Variants in RAD18 observed in about 807,000 individuals in gnomAD.
The protein encoded by RAD18 is E3 ubiquitin-protein ligase RAD18.
Under a neutral mutation model 60.4 loss-of-function variants are expected in RAD18, and 47 were observed. That is an observed-to-expected ratio of 0.78 (90% CI 0.62 to 0.99). The LOEUF is 0.99. RAD18 is among the 50% of genes least tolerant of loss of function. The pLI is 0.00. For synonymous variants in RAD18, 225 were observed against 195.5 expected (o/e 1.15, Z -1.26); for missense variants, 640 against 593.3 (o/e 1.08, Z -0.82).
intron 11 of RAD18, among the ~76,000 whole-genome samples, chr3:8,898,381 C>CGT (rs59853617): frequency 0.055 from 8,193 of 148,386 alleles, 476 homozygotes; most frequent in African/African-American, 0.16. Context: ...TGTGTGCATG[C>CGT]GTGTGTGTGT....
intron 9 of RAD18, among the ~76,000 whole-genome samples, chr3:8,903,837 C>A (rs1214620838): frequency 6.6e-6 from 1 of 152,142 alleles, no homozygotes; most frequent in Non-Finnish European, 1.5e-5. Context: ...CAAAAATCAA[C>A]AATGTACTTG....
intron 7 of RAD18, among the ~76,000 whole-genome samples, chr3:8,916,464 T>C (rs1308206509): frequency 4.6e-5 from 7 of 152,172 alleles, no homozygotes; most frequent in Admixed American, 6.5e-5. Context: ...GTGAGTGATA[T>C]ATAGCTACAT....
At chr3:8,902,307 T>C (rs185529884) in intron 10 of RAD18, 73 bp downstream of exon 10, 1 of 1,311,812 alleles carries the variant, frequency 7.6e-7, no homozygotes. Context: ...TAAATTTCTT[T>C]GGTTTAATTT....
chr3:8,939,636 C>T lies in RAD18; in HGVS notation c.622G>A (p.Gly208Arg), dbSNP rs764925159. 3.9e-5 allele frequency: 63 copies of T among 1,611,810 alleles called. No homozygotes were observed. The South Asian group carries it at 4.8e-4, about 12-fold the overall frequency. ...QVTKVDCPVC[G>R]VNIPESHINK... ...ATGTGACTTTCTGGAATGTTAACCC[C>T]GCAAACAGGACAATCCACTGTATTT... The change falls in exon 6 of 13, where the codon GGG (glycine) becomes AGG (arginine). Residue 208 changes from glycine (G) to arginine (R), a missense_variant. By Grantham distance (125) the Gly-to-Arg change is moderately radical. Coordinates refer to ENST00000264926, the MANE Select transcript of RAD18 (RefSeq NM_020165.4).
intron 11 of RAD18, among the ~76,000 whole-genome samples, chr3:8,892,694 T>C (rs1939713212): frequency 6.6e-6 from 1 of 152,198 alleles, no homozygotes; most frequent in African/African-American, 2.4e-5. Flanking sequence ...TAAAACACTA[T>C]CTTCGCATAT....
chr3:8,952,889 C>T (rs1467112419), intron 2 of RAD18, among the ~76,000 whole-genome samples: 1 of 152,092 alleles, frequency 6.6e-6, no homozygotes, highest in Non-Finnish European at 1.5e-5. Flanking sequence ...TACAGATGCT[C>T]CTTGACTTAA....
chr3:8,908,584 A>C (rs1559768220), intron 9 of RAD18, among the ~76,000 whole-genome samples: 1 of 152,112 alleles, frequency 6.6e-6, no homozygotes, highest in Non-Finnish European at 1.5e-5. Flanking sequence ...CCCTGCTGAC[A>C]TCTTGATCTT....
At chr3:8,883,410 T>A (rs570410944) in intron 12 of RAD18, among the ~76,000 whole-genome samples, 1 of 152,318 alleles carries the variant, frequency 6.6e-6, no homozygotes, top group East Asian at 1.9e-4. Flanking sequence ...ATCCTATAAA[T>A]ATGTATTCTT....
Position 8,900,069 on chromosome 3 carries a change from A to AT in RAD18, c.1169-1023dup, listed in dbSNP as rs45530431. On this transcript the variant is annotated intron_variant, in intron 10 of 12. Coordinates refer to ENST00000264926, the MANE Select transcript of RAD18 (RefSeq NM_020165.4). Reference sequence around the variant, plus strand: ...AACCTTGCCAAGTTCATACAGTTAAATTTTTTTCAGAAATAGTTCTAAGTT... The same window carrying AT: ...AACCTTGCCAAGTTCATACAGTTAAATTTTTTTTCAGAAATAGTTCTAAGTT... 2.8e-3 allele frequency among the ~76,000 whole-genome samples: 425 copies of AT among 152,268 alleles called. 3 individuals carry two copies. Among genetic ancestry groups the AT allele is most frequent in the African/African-American group, 9.3e-3 (386 of 41,544 alleles).
At chr3:8,903,481 T>G (rs1365915132) in intron 9 of RAD18, among the ~76,000 whole-genome samples, 1 of 152,192 alleles carries the variant, frequency 6.6e-6, no homozygotes, top group African/African-American at 2.4e-5. Context: ...CCCTTTAAGA[T>G]TCTAAGATCT....
At chr3:8,896,874 AAGAG>A (rs1939795047) in intron 11 of RAD18, among the ~76,000 whole-genome samples, 2 of 152,216 alleles carry the variant, frequency 1.3e-5, no homozygotes, top group African/African-American at 4.8e-5. Flanking sequence ...ATAGAAGAAA[AAGAG>A]AGAGAAAGAA....
rs535542723 is a variant in RAD18, at chr3:8,902,511, T to A, written c.1037A>T (p.His346Leu). 1.2e-6 allele frequency: 2 copies of A among 1,601,208 alleles called. No homozygotes were observed. Among genetic ancestry groups the A allele is most frequent in the South Asian group, 1.1e-5 (1 of 88,406 alleles). Residue 346 changes from histidine (H) to leucine (L), a missense_variant, in exon 10 of 13, where the codon CAT becomes CTT. His to Leu is a moderately conservative substitution (Grantham distance 99, BLOSUM62 -3). Transcript: ENST00000264926. ...DEIHSKYRKKHKSEFQLLVDQ... is the reference protein window; with the variant it reads ...DEIHSKYRKKLKSEFQLLVDQ... ...CACCAGAAGCTGAAATTCACTCTTATGTTTTTTACCTGAAATTCAAAAGAT... is the reference window on the plus strand; with the variant it reads ...CACCAGAAGCTGAAATTCACTCTTAAGTTTTTTACCTGAAATTCAAAAGAT...
Position 8,954,901 on chromosome 3 carries a change from T to C in RAD18, c.133+4019A>G, listed in dbSNP as rs181191366. Reference sequence around the variant, plus strand: ...ACATGACGGGACTTGTGACAACTGGTGTTTAGTAGAAGAGGCCTACTGAAT... The same window carrying C: ...ACATGACGGGACTTGTGACAACTGGCGTTTAGTAGAAGAGGCCTACTGAAT... On this transcript the variant is annotated intron_variant, in intron 2 of 12. Transcript: ENST00000264926. 5.7e-4 allele frequency among the ~76,000 whole-genome samples: 86 copies of C among 152,150 alleles called. No homozygotes were observed. In the South Asian group the frequency reaches 6.6e-3, roughly 12 times the overall value.
intron 7 of RAD18, among the ~76,000 whole-genome samples, chr3:8,931,787 G>A (rs1264114705): frequency 6.6e-6 from 1 of 152,146 alleles, no homozygotes; most frequent in East Asian, 1.9e-4. Context: ...TGTCATGAGT[G>A]AAAGGACAGA....
At position 8,915,005 on chromosome 3, in the gene RAD18, C is replaced by T. The variant is rs533188734; in HGVS notation, c.890-1285G>A. ...TAAAAAAAAATTTTTTAAAATTAGC[C>T]GGGTGTGGTGGGGGGCGCCTATAGT... On this transcript the variant is annotated intron_variant, in intron 7 of 12. Transcript: ENST00000264926. Among the ~76,000 whole-genome samples the T allele has an allele frequency of 7.7e-4, 117 of 151,606 alleles. 1 individual carries two copies. Among genetic ancestry groups the T allele is most frequent in the Admixed American group, 1.6e-3 (24 of 15,262 alleles).
intron 6 of RAD18, among the ~76,000 whole-genome samples, chr3:8,938,699 A>G (rs1308221895): frequency 6.6e-6 from 1 of 152,166 alleles, no homozygotes; most frequent in African/African-American, 2.4e-5. Context: ...AAATAGTGGA[A>G]GGAAAGAGAC....
chr3:8,939,363 T>G (rs1209426468), intron 6 of RAD18, among the ~76,000 whole-genome samples, 191 bp downstream of exon 6: 5 of 152,134 alleles, frequency 3.3e-5, no homozygotes, highest in Non-Finnish European at 7.4e-5. Context: ...CTAATCATAT[T>G]TGGCAAAGTG....
rs1400556801 is a variant in RAD18 at position 8,915,267 on chromosome 3, C to T, written c.890-1547G>A. On this transcript the variant is annotated intron_variant, in intron 7 of 12. Coordinates refer to ENST00000264926, the MANE Select transcript of RAD18 (RefSeq NM_020165.4). ...AGAGAGCTATAAATAATGTCACTCT[C>T]ACCCTAATGACGAGAAAAAGCGGGA... 3.3e-5 allele frequency among the ~76,000 whole-genome samples: 5 copies of T among 152,184 alleles called. No individual in the cohort carries two copies. The East Asian group carries it at 9.6e-4, about 29-fold the overall frequency.
At chr3:8,951,958 C>T (rs1459711527) in intron 2 of RAD18, among the ~76,000 whole-genome samples, 1 of 152,202 alleles carries the variant, frequency 6.6e-6, no homozygotes, top group Non-Finnish European at 1.5e-5. Context: ...TGACCATAAG[C>T]TCCGGTATCT....
Sources: gnomAD v4.1 joint callset for allele counts (sites outside exome capture counted in the v4.1 genomes callset) on GRCh38, gnomAD v4.1.1 for gene constraint, MANE v1.5 for transcripts, NCBI Gene and HGNC (gene_info 2026-07-23, HGNC 2026-07-21) for gene names.